Variants in ANO1 observed in about 807,000 individuals in gnomAD.
ANO1 encodes the protein anoctamin 1.
In ANO1, 59 loss-of-function variants were observed where a neutral mutation model predicts 124.0. The ratio of observed to expected loss-of-function variants is 0.48; its 90% CI spans 0.39 to 0.59. ANO1 has a LOEUF of 0.59. ANO1 is among the 20% of genes least tolerant of loss of function. The pLI is 0.00. For missense variants in ANO1, 1,059 were observed against 1,328.0 expected, an observed-to-expected ratio of 0.80 and a Z score of 3.15; for synonymous variants, 529 against 532.0, an observed-to-expected ratio of 0.99 and a Z score of 0.08.
chr11:70,156,920 A>G, intron 15 of ANO1, 27 bp from the exon 16 acceptor site: 1 of 1,609,350 alleles, frequency 6.2e-7, no homozygotes, highest in Non-Finnish European at 8.5e-7. Context: ...GGTTCCAGAC[A>G]GTGACCGGCA....
At chr11:69,977,385 AC>A in the ANO1 span, among the ~76,000 whole-genome samples, 1 of 152,004 alleles carries the variant, frequency 6.6e-6, no homozygotes, top group South Asian at 2.1e-4. Flanking sequence ...CCCACCCACA[AC>A]CCCAAGCTCC....
chr11:70,100,086 C>T (rs560051795), intron 2 of ANO1, among the ~76,000 whole-genome samples: 10 of 152,144 alleles, frequency 6.6e-5, no homozygotes, highest in South Asian at 4.1e-4. Flanking sequence ...CTCCAGTCAC[C>T]GTGCCTGGGG....
chr11:70,149,585 G>C, intron 11 of ANO1, 125 bp from the exon 12 acceptor site: 1 of 981,220 alleles, frequency 1.0e-6, no homozygotes, highest in South Asian at 1.5e-5. Context: ...CAGGAGGCGA[G>C]ATTGCAGTGG....
chr11:69,987,133 T>A (rs1476224489), intron 1 of ANO1, among the ~76,000 whole-genome samples: 1 of 151,998 alleles, frequency 6.6e-6, no homozygotes, highest in African/African-American at 2.4e-5. Flanking sequence ...CACTGTATAC[T>A]CATCAAATTA....
the ANO1 span, among the ~76,000 whole-genome samples, chr11:69,977,905 G>A: frequency 3.9e-5 from 6 of 152,332 alleles, no homozygotes; most frequent in Non-Finnish European, 8.8e-5. Flanking sequence ...TCTCCAAAGC[G>A]GGGTTTTGTG....
the ANO1 span, among the ~76,000 whole-genome samples, chr11:69,970,263 C>T: frequency 6.6e-6 from 1 of 152,194 alleles, no homozygotes; most frequent in Admixed American, 6.5e-5. Flanking sequence ...GGCCACAGTG[C>T]GCACGGCTGC....
chr11:70,113,051 G>A (rs1215891972), intron 7 of ANO1, among the ~76,000 whole-genome samples: 3 of 152,240 alleles, frequency 2.0e-5, no homozygotes, highest in South Asian at 2.1e-4. Flanking sequence ...GGATTGGGGT[G>A]GTTGAGCAGC....
chr11:69,974,999 G>A, the ANO1 span, among the ~76,000 whole-genome samples: 1 of 152,226 alleles, frequency 6.6e-6, no homozygotes, highest in Non-Finnish European at 1.5e-5. Flanking sequence ...GCCCTGAGAG[G>A]CAGCTACGGA....
chr11:69,988,715 C>T (rs1000459127), intron 1 of ANO1, among the ~76,000 whole-genome samples: 6 of 152,182 alleles, frequency 3.9e-5, no homozygotes, highest in African/African-American at 9.7e-5. Flanking sequence ...CTTATTTATA[C>T]GCTTGTGGTC....
chr11:70,014,300 C>T (rs1286793963), intron 1 of ANO1, among the ~76,000 whole-genome samples: 2 of 123,410 alleles, frequency 1.6e-5, no homozygotes, highest in Non-Finnish European at 3.3e-5. Context: ...CGTGCAGGAG[C>T]TCTTCAGGGC....
intron 1 of ANO1, among the ~76,000 whole-genome samples, chr11:70,052,526 C>CTTTTTTTTTT (rs1857364240): frequency 3.6e-5 from 1 of 28,064 alleles, no homozygotes; most frequent in Non-Finnish European, 9.0e-5. Context: ...ATTTCTTTTT[C>CTTTTTTTTTT]TTTTCTTTTT....
intron 7 of ANO1, among the ~76,000 whole-genome samples, chr11:70,113,128 C>T (rs752982568): frequency 3.6e-4 from 54 of 151,870 alleles, no homozygotes; most frequent in Non-Finnish European, 5.4e-4. Flanking sequence ...CCCCGCCCCA[C>T]CCCACCCCAG....
chr11:70,024,695 A>T (rs149637753), intron 1 of ANO1, among the ~76,000 whole-genome samples: 1 of 152,146 alleles, frequency 6.6e-6, no homozygotes, highest in East Asian at 1.9e-4. Context: ...CTTCGCCACC[A>T]CCACCACTCT....
chr11:70,076,150 A>G (rs1006467057), upstream of ANO1, among the ~76,000 whole-genome samples: 1 of 152,236 alleles, frequency 6.6e-6, no homozygotes, highest in South Asian at 2.1e-4. Flanking sequence ...ACTGGAGAGA[A>G]AAAAAGAAAC....
At position 70,165,571 on chromosome 11, in the gene ANO1, G is replaced by T. The variant is rs752024128; in HGVS notation, c.2051+1G>T. 3.1e-6 allele frequency: 5 copies of T among 1,609,318 alleles called. No individual in the cohort carries two copies. The highest frequency in any genetic ancestry group is 4.2e-6 in the Non-Finnish European group (5 of 1,177,760). ...ACAACCTGTTCGAGATCGGCATCCC[G>T]TGAGTGTGCTGCAGCGGGTTAGAGC... On this transcript the variant is annotated splice_donor_variant, in intron 20 of 25. Coordinates refer to ENST00000355303, the MANE Select transcript of ANO1 (RefSeq NM_018043.7). LOFTEE classifies it high-confidence loss of function.
chr11:70,136,810 C>T (rs1403395869), intron 11 of ANO1, among the ~76,000 whole-genome samples: 1 of 147,818 alleles, frequency 6.8e-6, no homozygotes, highest in Non-Finnish European at 1.5e-5. Context: ...AGCATAGCCT[C>T]GAGATAAATG....
At chr11:69,974,268 T>C in the ANO1 span, among the ~76,000 whole-genome samples, 34 of 152,032 alleles carry the variant, frequency 2.2e-4, no homozygotes, top group Non-Finnish European at 3.7e-4. Context: ...GCAGAGGAAG[T>C]GAGCCAAGAT....
At chr11:70,047,215 G>A (rs1555005778) in intron 1 of ANO1, among the ~76,000 whole-genome samples, 1 of 152,018 alleles carries the variant, frequency 6.6e-6, no homozygotes, top group Non-Finnish European at 1.5e-5. Context: ...AATATATCAG[G>A]ATTGGTTCAT....
intron 1 of ANO1, among the ~76,000 whole-genome samples, chr11:70,032,760 T>C (rs1308693380): frequency 6.6e-6 from 1 of 151,982 alleles, no homozygotes; most frequent in Non-Finnish European, 1.5e-5. Context: ...GCCTTTTTTG[T>C]CTTCAAATTG....
Sources: allele counts gnomAD v4.1 joint callset (sites outside exome capture counted in the v4.1 genomes callset), GRCh38; gene constraint gnomAD v4.1.1; transcripts MANE v1.5; gene names NCBI Gene and HGNC (gene_info 2026-07-23, HGNC 2026-07-21).